The following NEBL variants were observed in gnomAD, a reference collection of about 807,000 sequenced individuals.
NEBL encodes nebulette.
A neutral mutation model predicts 140.2 loss-of-function variants in NEBL; 122 were observed. The ratio of observed to expected loss-of-function variants is 0.87; its 90% CI spans 0.75 to 1.01. The LOEUF is 1.01. Ranked by LOEUF, NEBL falls within the 50% of genes least tolerant of loss-of-function variation. The pLI, the probability that NEBL is intolerant of heterozygous loss-of-function variation, is 0.00. For synonymous variants in NEBL, 436 were observed against 398.9 expected (o/e 1.09, Z -1.11); for missense variants, 1,365 against 1,231.3 (o/e 1.11, Z -1.62).
intron 2 of NEBL, among the ~76,000 whole-genome samples, chr10:21,064,533 G>A (rs975058614): frequency 4.6e-5 from 7 of 152,050 alleles, no homozygotes; most frequent in Admixed American, 3.3e-4. Flanking sequence ...TACAAGTCTC[G>A]TTTTATTAAC....
intron 4 of NEBL, among the ~76,000 whole-genome samples, chr10:20,935,669 G>A (rs1056150943): frequency 2.0e-5 from 3 of 152,082 alleles, no homozygotes; most frequent in Non-Finnish European, 2.9e-5. Flanking sequence ...AGAAATACAC[G>A]GTTTTCTCCA....
exon 1 of NEBL, chr10:21,174,057 C>G (rs1841214676): frequency 9.2e-7 from 1 of 1,090,732 alleles, no homozygotes; most frequent in Non-Finnish European, 1.1e-6. Flanking sequence ...CGCTGGGTCT[C>G]GGCTCCGGCT....
At position 21,060,462 on chromosome 10, in the gene NEBL, C is replaced by G. The variant is rs140458822; in HGVS notation, c.165-40261G>C. On this transcript the variant is annotated intron_variant, in intron 2 of 6. Transcript: ENST00000417816. ...TCATCTGGATTGCTTGTTAAACCAGCCTTATTCTGCACAGCTATTATATCG... is the reference window on the plus strand; with the variant it reads ...TCATCTGGATTGCTTGTTAAACCAGGCTTATTCTGCACAGCTATTATATCG... 2.3e-3 allele frequency among the ~76,000 whole-genome samples: 343 copies of G among 152,272 alleles called. 1 individual carries two copies. The highest frequency in any genetic ancestry group is 8.0e-3 in the African/African-American group (332 of 41,556).
chr10:21,289,637 C>A (rs1843115666), intron 1 of NEBL, among the ~76,000 whole-genome samples: 1 of 152,154 alleles, frequency 6.6e-6, no homozygotes, highest in African/African-American at 2.4e-5. Flanking sequence ...GTGTGTTAAT[C>A]TCATGGAAGT....
At chr10:21,201,323 A>G (rs368546256) in intron 3 of NEBL, among the ~76,000 whole-genome samples, 3 of 152,246 alleles carry the variant, frequency 2.0e-5, no homozygotes, top group Non-Finnish European at 4.4e-5. Flanking sequence ...AGTTTCTTAC[A>G]TGGTGGCCAG....
At chr10:21,076,108 A>G (rs1303146109) in intron 2 of NEBL, among the ~76,000 whole-genome samples, 1 of 149,664 alleles carries the variant, frequency 6.7e-6, no homozygotes, top group East Asian at 2.0e-4. Flanking sequence ...TGGTACAGCT[A>G]TTACAAAAAA....
intron 23 of NEBL, among the ~76,000 whole-genome samples, chr10:20,813,533 G>A (rs775144753): frequency 6.6e-6 from 1 of 152,094 alleles, no homozygotes; most frequent in Non-Finnish European, 1.5e-5. Context: ...AAACTTTATG[G>A]TAGGTAAATT....
At chr10:20,975,304 C>T (rs992768671) in intron 3 of NEBL, among the ~76,000 whole-genome samples, 2 of 152,052 alleles carry the variant, frequency 1.3e-5, no homozygotes, top group South Asian at 2.1e-4. Context: ...ATAAGTGTTT[C>T]GACTTCTCTT....
chr10:21,249,076 T>C (rs1164133227), intron 2 of NEBL, among the ~76,000 whole-genome samples: 1 of 152,130 alleles, frequency 6.6e-6, no homozygotes, highest in Non-Finnish European at 1.5e-5. Context: ...TCACCCAGGC[T>C]GGAGTGCAGT....
rs769111338 is a variant in NEBL at position 21,173,789 on chromosome 10, G to T, written c.45C>A (p.Thr15=). ...CCTTATCCAGGCAGTTGACTTTCTC[G>T]GTGGGATACACGACTTTTCCGCAAC... Residue 15 remains threonine (T), a synonymous_variant, in exon 1 of 7, where the codon ACC becomes ACA. Transcript: ENST00000417816. This position sits in a 1 kb window ranked among gnomAD's most constrained non-coding sequence, Gnocchi z 5.7. The T allele has an allele frequency of 9.3e-6, 15 of 1,612,978 alleles. No homozygotes were observed. In the Admixed American group the frequency reaches 2.5e-4, roughly 27 times the overall value.
chr10:20,916,621 G>T (rs1286011666), intron 4 of NEBL, among the ~76,000 whole-genome samples: 1 of 152,152 alleles, frequency 6.6e-6, no homozygotes, highest in East Asian at 1.9e-4. Flanking sequence ...TGTTGGCCAG[G>T]CTGGTCATGA....
intron 2 of NEBL, among the ~76,000 whole-genome samples, chr10:21,054,220 G>C (rs1012170041): frequency 6.6e-6 from 1 of 152,082 alleles, no homozygotes; most frequent in Non-Finnish European, 1.5e-5. Context: ...TGGGGTCCAC[G>C]TACCTTTTCT....
At chr10:21,051,487 CAAAGA>C (rs1252181737) in intron 2 of NEBL, among the ~76,000 whole-genome samples, 1 of 151,630 alleles carries the variant, frequency 6.6e-6, no homozygotes, top group Non-Finnish European at 1.5e-5. Flanking sequence ...ATGGTACCCC[CAAAGA>C]AAATATCTAC....
upstream of NEBL, among the ~76,000 whole-genome samples, chr10:21,179,526 A>G (rs559226146): frequency 6.7e-6 from 1 of 150,254 alleles, no homozygotes; most frequent in East Asian, 2.0e-4. Context: ...ACTCCAGCCC[A>G]AAACTCCTTG....
intron 2 of NEBL, among the ~76,000 whole-genome samples, chr10:21,137,932 AAAAGG>A (rs923599419): frequency 1.3e-5 from 2 of 151,176 alleles, no homozygotes; most frequent in Non-Finnish European, 2.9e-5. Context: ...GAAAAAAAAA[AAAAGG>A]AAAGGGAAGG....
chr10:20,833,767 A>AG (rs1295160421), intron 14 of NEBL, among the ~76,000 whole-genome samples: 1 of 152,086 alleles, frequency 6.6e-6, no homozygotes, highest in African/African-American at 2.4e-5. Context: ...AAAAAAAAAA[A>AG]AAAGAAAAAA....
intron 3 of NEBL, among the ~76,000 whole-genome samples, chr10:21,185,487 CTTTTTTTTTT>C (rs10612676): frequency 4.2e-5 from 3 of 72,052 alleles, no homozygotes; most frequent in Non-Finnish European, 7.0e-5. Flanking sequence ...ATTTTCTTTC[CTTTTTTTTTT>C]TTTTTTTTTT....
chr10:21,253,963 G>T lies in NEBL; in HGVS notation n.183-2135C>A, dbSNP rs559267082. On this transcript the variant is annotated intron_variant and non_coding_transcript_variant, in intron 1 of 8. Coordinates refer to the NEBL transcript ENST00000675702. The stretch of plus-strand genomic sequence containing the variant: ...ATGAAGAAACTTTGCACAAATACAT[G>T]CTAAAGAATGTAAAGTGATTTTTAC... 4.0e-4 allele frequency among the ~76,000 whole-genome samples: 61 copies of T among 152,240 alleles called. No homozygotes were observed. The East Asian group carries it at 8.5e-3, about 21-fold the overall frequency.
At chr10:20,942,663 T>G (rs1834937379) in intron 4 of NEBL, among the ~76,000 whole-genome samples, 1 of 152,114 alleles carries the variant, frequency 6.6e-6, no homozygotes. Context: ...ACCTACAGAA[T>G]GGGAGAAAAT....
Sources: gnomAD v4.1 joint callset for allele counts (sites outside exome capture counted in the v4.1 genomes callset) on GRCh38, gnomAD v4.1.1 for gene constraint, Gnocchi (gnomAD v3.1) non-coding constraint, MANE v1.5 for transcripts, NCBI Gene and HGNC (gene_info 2026-07-23, HGNC 2026-07-21) for gene names.